Variants in NCOA2 observed in about 807,000 individuals in gnomAD.
The protein encoded by NCOA2 is class E basic helix-loop-helix protein 75.
In NCOA2, 21 loss-of-function variants were observed where a neutral mutation model predicts 145.1. The ratio of observed to expected loss-of-function variants is 0.14; its 90% CI spans 0.10 to 0.21. The LOEUF is 0.21. NCOA2 is among the 10% of genes least tolerant of loss of function. NCOA2 has a pLI of 1.00. For synonymous variants in NCOA2, 619 were observed against 637.5 expected, an observed-to-expected ratio of 0.97 and a Z score of 0.44; for missense variants, 1,472 against 1,837.6, an observed-to-expected ratio of 0.80 and a Z score of 3.64.
chr8:70,136,172 G>A (rs1424564743), intron 15 of NCOA2, among the ~76,000 whole-genome samples: 1 of 152,206 alleles, frequency 6.6e-6, no homozygotes, highest in South Asian at 2.1e-4. Flanking sequence ...TCAGGAGTTC[G>A]AGACCAGCCT....
the NCOA2 span, among the ~76,000 whole-genome samples, chr8:70,408,948 A>G: frequency 2.0e-5 from 3 of 152,054 alleles, no homozygotes; most frequent in African/African-American, 7.2e-5. Context: ...TTTTTAAAAC[A>G]AGAGATGGGA....
At chr8:70,301,900 AG>A (rs1157736559) in intron 1 of NCOA2, among the ~76,000 whole-genome samples, 2 of 152,144 alleles carry the variant, frequency 1.3e-5, no homozygotes, top group African/African-American at 4.8e-5. Flanking sequence ...GAAAAAGCTA[AG>A]GAAGAACTGC....
At chr8:70,309,075 A>T (rs963884146) in intron 1 of NCOA2, among the ~76,000 whole-genome samples, 14 of 152,128 alleles carry the variant, frequency 9.2e-5, no homozygotes, top group Non-Finnish European at 1.6e-4. Flanking sequence ...CGTATGTATG[A>T]CTGCCTTGAG....
At chr8:70,123,829 G>T (rs1327866138) in intron 21 of NCOA2, 55 bp downstream of exon 21, 1 of 1,436,342 alleles carries the variant, frequency 7.0e-7, no homozygotes, top group African/African-American at 1.4e-5. Context: ...TGATGCAGAA[G>T]TAGAAAAAAA....
intron 2 of NCOA2, among the ~76,000 whole-genome samples, chr8:70,285,616 A>G (rs1826179669): frequency 6.6e-6 from 1 of 152,222 alleles, no homozygotes; most frequent in Admixed American, 6.5e-5. Flanking sequence ...ATTTGTTGAT[A>G]CACTGCTTTG....
chr8:70,192,883 A>C (rs1456733861), intron 4 of NCOA2, among the ~76,000 whole-genome samples: 1 of 152,018 alleles, frequency 6.6e-6, no homozygotes, highest in Non-Finnish European at 1.5e-5. Context: ...CCTGACCAAC[A>C]TGGTGAAAAC....
In NCOA2 at chr8:70,301,655, CAAAAAAAAA is replaced by C. The variant is rs71275063; in HGVS notation, c.-76-4864_-76-4856del. On this transcript the variant is annotated intron_variant, in intron 1 of 22. Coordinates refer to ENST00000452400, the MANE Select transcript of NCOA2 (RefSeq NM_006540.4). ...TAGGTGACAGAGTGAGACCCTTTCT[CAAAAAAAAA>C]AAAAAAAAAAAAAAAAGAAAGATAT... 2.0e-4 allele frequency among the ~76,000 whole-genome samples: 12 copies of C among 60,164 alleles called. No homozygotes were observed. The South Asian group carries it at 2.4e-3, about 12-fold the overall frequency. 39.5% of individuals were successfully genotyped at this position (60,164 alleles called of 152,430 possible). A position where few individuals can be genotyped will look rare whatever the true frequency, so the allele number is the denominator to read the frequency against.
At chr8:70,258,558 A>G (rs1314680803) in intron 2 of NCOA2, among the ~76,000 whole-genome samples, 1 of 152,028 alleles carries the variant, frequency 6.6e-6, no homozygotes. Flanking sequence ...TTTTCTCTCA[A>G]TCTTCAAATC....
At chr8:70,216,520 C>A (rs1310332026) in intron 3 of NCOA2, 140 bp downstream of exon 3, 41 of 670,778 alleles carry the variant, frequency 6.1e-5, no homozygotes, top group Non-Finnish European at 1.0e-4. Flanking sequence ...TAAGCAAGTA[C>A]ATATTCAGAG....
rs77523969 is a variant in NCOA2 at position 70,382,222 on chromosome 8, G to A, written c.-77+21478C>T. On this transcript the variant is annotated intron_variant, in intron 1 of 22. Coordinates refer to ENST00000452400, the MANE Select transcript of NCOA2 (RefSeq NM_006540.4). ...TCAGGAGAGGAGAGTGCTGAGGGCC[G>A]AAGCTGCTAAAAAAGGCTTCTTCTA... Among the ~76,000 whole-genome samples the A allele has an allele frequency of 2.9e-3, 448 of 152,144 alleles. 1 individual carries two copies. Among genetic ancestry groups the A allele is most frequent in the Non-Finnish European group, 4.8e-3 (325 of 68,010 alleles).
intron 1 of NCOA2, among the ~76,000 whole-genome samples, chr8:70,351,974 A>ATT (rs200907346): frequency 6.9e-6 from 1 of 145,980 alleles, no homozygotes; most frequent in African/African-American, 2.5e-5. Context: ...TAACTGGGCA[A>ATT]TTTTTTTTTT....
intron 1 of NCOA2, among the ~76,000 whole-genome samples, chr8:70,312,643 T>C (rs999173096): frequency 6.6e-6 from 1 of 152,186 alleles, no homozygotes; most frequent in Admixed American, 6.5e-5. Flanking sequence ...AAAATTATTA[T>C]AATTTTTCCT....
At position 70,219,200 on chromosome 8, in the gene NCOA2, T is replaced by C. The variant is rs1563639881; in HGVS notation, c.-19-2436A>G. On this transcript the variant is annotated intron_variant, in intron 2 of 22. Transcript: ENST00000452400. Reference sequence around the variant, plus strand: ...TAAAATCATTTGAGCAGACTGTTTATAATTTGCTTGTACCTACTCAAGGTT... The same window carrying C: ...TAAAATCATTTGAGCAGACTGTTTACAATTTGCTTGTACCTACTCAAGGTT... Among the ~76,000 whole-genome samples the C allele has an allele frequency of 2.6e-5, 4 of 152,208 alleles. No homozygotes were observed. The South Asian group carries it at 8.3e-4, about 31-fold the overall frequency.
intron 8 of NCOA2, among the ~76,000 whole-genome samples, chr8:70,163,178 G>C (rs1229952339): frequency 5.3e-5 from 8 of 152,130 alleles, no homozygotes; most frequent in Non-Finnish European, 1.2e-4. Flanking sequence ...GCCACCCAAA[G>C]TGTTGGGGTT....
chr8:70,288,815 G>A (rs1826445641), intron 2 of NCOA2, among the ~76,000 whole-genome samples: 3 of 152,190 alleles, frequency 2.0e-5, no homozygotes, highest in Admixed American at 2.0e-4. Flanking sequence ...CAGCGCACAA[G>A]TGCAAATAGT....
Position 70,347,339 on chromosome 8 carries a change from G to C in NCOA2, c.-76-50539C>G, listed in dbSNP as rs554266612. ...GTCTCTACTAAAAATACAAAAATTA[G>C]CCAGGCTTGGTGGCGGGTGCCTATA... On this transcript the variant is annotated intron_variant, in intron 1 of 22. Coordinates refer to ENST00000452400, the MANE Select transcript of NCOA2 (RefSeq NM_006540.4). 5.5e-3 allele frequency among the ~76,000 whole-genome samples: 830 copies of C among 152,166 alleles called. 6 individuals are homozygous for C. The highest frequency in any genetic ancestry group is 8.7e-3 in the Non-Finnish European group (593 of 68,014).
chr8:70,179,229 C>A (rs1409699415), intron 4 of NCOA2, among the ~76,000 whole-genome samples: 2 of 151,986 alleles, frequency 1.3e-5, no homozygotes, highest in Non-Finnish European at 2.9e-5. Flanking sequence ...GTGCTTTGAC[C>A]ATTTCTCAAT....
At chr8:70,334,328 C>A (rs1437318552) in intron 1 of NCOA2, among the ~76,000 whole-genome samples, 4 of 152,178 alleles carry the variant, frequency 2.6e-5, no homozygotes, top group Non-Finnish European at 5.9e-5. Context: ...GGTGTCAATG[C>A]ACTGTCTTCC....
At chr8:70,409,100 A>G in the NCOA2 span, among the ~76,000 whole-genome samples, 3 of 152,130 alleles carry the variant, frequency 2.0e-5, no homozygotes, top group African/African-American at 7.2e-5. Context: ...AAACAGTATT[A>G]AGATGTCATC....
Sources: allele counts gnomAD v4.1 joint callset (sites outside exome capture counted in the v4.1 genomes callset), GRCh38; gene constraint gnomAD v4.1.1; transcripts MANE v1.5; gene names NCBI Gene and HGNC (gene_info 2026-07-23, HGNC 2026-07-21).